SH3BP5: variants seen among roughly 807,000 people sequenced by gnomAD.
SH3BP5 encodes the protein SH3 domain binding protein 5.
SH3BP5 carries 22 observed loss-of-function variants against 43.3 expected under a neutral mutation model. That is an observed-to-expected ratio of 0.51 (90% CI 0.36 to 0.73). The LOEUF is 0.73. Ranked by LOEUF, SH3BP5 falls within the 30% of genes least tolerant of loss-of-function variation. SH3BP5 has a pLI of 0.00. For missense variants in SH3BP5, 529 were observed against 586.9 expected (o/e 0.90, Z 1.02); for synonymous variants, 255 against 225.8 (o/e 1.13, Z -1.16).
intron 2 of SH3BP5, among the ~76,000 whole-genome samples, chr3:15,327,805 C>T (rs563188427): frequency 5.3e-5 from 8 of 152,200 alleles, no homozygotes; most frequent in Non-Finnish European, 8.8e-5. Context: ...ACCTATGCCT[C>T]CCAGTGCCAA....
At chr3:15,278,991 G>A (rs548857042) in intron 3 of SH3BP5, among the ~76,000 whole-genome samples, 7 of 152,092 alleles carry the variant, frequency 4.6e-5, no homozygotes, top group Non-Finnish European at 1.0e-4. Context: ...CCAACATGGC[G>A]AAACCCCATC....
At chr3:15,339,304 G>A (rs911557189) in intron 1 of SH3BP5, among the ~76,000 whole-genome samples, 2 of 152,102 alleles carry the variant, frequency 1.3e-5, no homozygotes, top group Non-Finnish European at 2.9e-5. Context: ...TGAATTACAG[G>A]CCACAGCACC....
In SH3BP5 at chr3:15,256,910, A is replaced by C. The variant is rs748209564; in HGVS notation, c.1093T>G (p.Leu365Val). Residue 365 changes from leucine to valine, a missense_variant, in exon 8 of 9, where the codon TTG (leucine) becomes GTG (valine). Physicochemically the swap from Leu to Val is conservative, Grantham distance 32. Around this residue, in one of 3 missense-constraint regions of SH3BP5, gnomAD observed 369 missense variants for 384.3 expected, o/e 0.96. Transcript: ENST00000383791. ...LSEFGMMFPV[L>V]GPRSECSGAS... ...CCGCTGCATTCACTTCGAGGGCCCA[A>C]CACTGGGAACATCATCCCAAACTCT... The C allele has an allele frequency of 8.7e-6, 14 of 1,614,028 alleles. No individual in the cohort carries two copies. Among genetic ancestry groups the C allele is most frequent in the East Asian group, 2.2e-5 (1 of 44,898 alleles).
chr3:15,274,785 A>G (rs950257679), intron 3 of SH3BP5, among the ~76,000 whole-genome samples: 5 of 152,172 alleles, frequency 3.3e-5, no homozygotes, highest in African/African-American at 1.2e-4. Flanking sequence ...ACCTCAGATG[A>G]TCTACCTGCC....
chr3:15,294,257 C>A (rs1481509490), intron 3 of SH3BP5, among the ~76,000 whole-genome samples: 1 of 151,768 alleles, frequency 6.6e-6, no homozygotes, highest in Admixed American at 6.6e-5. Flanking sequence ...AGAACACAGA[C>A]TCTAAGCCCC....
At chr3:15,258,776 A>G in intron 7 of SH3BP5, 55 bp downstream of exon 7, 2 of 1,502,150 alleles carry the variant, frequency 1.3e-6, no homozygotes, top group Non-Finnish European at 1.8e-6. Flanking sequence ...GACCTTGGGA[A>G]ACAAATCACA....
chr3:15,302,337 G>T (rs1046386994), intron 3 of SH3BP5, among the ~76,000 whole-genome samples: 6 of 152,316 alleles, frequency 3.9e-5, no homozygotes, highest in Admixed American at 2.0e-4. Flanking sequence ...GGCCCAGCTG[G>T]AGATGGAAAA....
intron 3 of SH3BP5, among the ~76,000 whole-genome samples, chr3:15,274,911 G>A (rs1279763951): frequency 1.3e-5 from 2 of 152,126 alleles, no homozygotes; most frequent in Non-Finnish European, 2.9e-5. Context: ...ACAGTGCTTG[G>A]GAGGTGGTGC....
chr3:15,285,913 G>A (rs937247827), intron 3 of SH3BP5, among the ~76,000 whole-genome samples: 2 of 152,170 alleles, frequency 1.3e-5, no homozygotes, highest in African/African-American at 4.8e-5. Flanking sequence ...GCATAACTTG[G>A]CTTAATTTTA....
At chr3:15,312,749 C>T (rs1698090179) in intron 2 of SH3BP5, among the ~76,000 whole-genome samples, 2 of 152,086 alleles carry the variant, frequency 1.3e-5, no homozygotes, top group South Asian at 4.1e-4. Flanking sequence ...TCAGAGCCTT[C>T]CGTAAAGAGG....
chr3:15,306,413 C>A (rs576895065), intron 2 of SH3BP5, among the ~76,000 whole-genome samples: 1 of 152,038 alleles, frequency 6.6e-6, no homozygotes, highest in Non-Finnish European at 1.5e-5. Context: ...ATGGCCAGGG[C>A]GGAAAGATCG....
upstream of SH3BP5, among the ~76,000 whole-genome samples, chr3:15,334,569 GA>G (rs142717483): frequency 2.7e-4 from 38 of 143,112 alleles, no homozygotes; most frequent in East Asian, 4.0e-4. Flanking sequence ...TTGCTCTCTA[GA>G]AAAAAAAAAA....
chr3:15,302,812 C>T (rs1697789264), intron 3 of SH3BP5, among the ~76,000 whole-genome samples: 1 of 146,382 alleles, frequency 6.8e-6, no homozygotes, highest in Admixed American at 6.8e-5. Flanking sequence ...TTTTTTCTTT[C>T]TTTTTTTTTT....
At chr3:15,283,388 C>A (rs1168908340) in intron 3 of SH3BP5, among the ~76,000 whole-genome samples, 2 of 152,106 alleles carry the variant, frequency 1.3e-5, no homozygotes, top group African/African-American at 2.4e-5. Context: ...CAGAGCGAGA[C>A]CCTGTCTCAA....
chr3:15,255,800 T>G lies in SH3BP5; in HGVS notation c.*286A>C. 3.4e-6 allele frequency: 1 copy of G among 298,348 alleles called. No homozygotes were observed. The highest frequency in any genetic ancestry group is 6.5e-5 in the South Asian group (1 of 15,370). 18.5% of individuals were successfully genotyped at this position (298,348 alleles called of 1,614,324 possible). ...CAGCCATCTTCCCAGCTCTGGTTCT[T>G]TCATAGGAACTAGTTATTGCTTCCA... is the stretch of plus-strand genomic sequence containing the variant. On this transcript the variant is annotated 3_prime_UTR_variant, in exon 9 of 9. Coordinates refer to ENST00000383791, the MANE Select transcript of SH3BP5 (RefSeq NM_004844.5).
chr3:15,323,469 G>A (rs936900010), intron 2 of SH3BP5, among the ~76,000 whole-genome samples: 2 of 152,278 alleles, frequency 1.3e-5, no homozygotes, highest in African/African-American at 4.8e-5. Flanking sequence ...CAAGCACACA[G>A]GGGGCCCTCT....
intron 3 of SH3BP5, among the ~76,000 whole-genome samples, chr3:15,296,248 G>A (rs767679394): frequency 6.6e-6 from 1 of 151,792 alleles, no homozygotes; most frequent in East Asian, 1.9e-4. Flanking sequence ...AGTGGCCACT[G>A]CAGACAAAGG....
upstream of SH3BP5, among the ~76,000 whole-genome samples, chr3:15,335,619 G>A (rs779520710): frequency 3.6e-4 from 55 of 152,222 alleles, no homozygotes; most frequent in Admixed American, 1.3e-3. Flanking sequence ...AAAGTATACA[G>A]GAGGTTGTAT....
intron 2 of SH3BP5, among the ~76,000 whole-genome samples, chr3:15,318,461 T>A (rs1250046771): frequency 6.7e-6 from 1 of 149,278 alleles, no homozygotes; most frequent in East Asian, 2.0e-4. Flanking sequence ...AATCCAGCTC[T>A]GAGCTCCAAA....
Sources: gnomAD v4.1 joint callset for allele counts (sites outside exome capture counted in the v4.1 genomes callset) on GRCh38, gnomAD v4.1.1 for gene constraint, gnomAD v4.1.1 regional missense constraint, MANE v1.5 for transcripts, NCBI Gene and HGNC (gene_info 2026-07-23, HGNC 2026-07-21) for gene names.